Variants in MALRD1 observed in about 807,000 individuals in gnomAD.
MALRD1 encodes MAM and LDL receptor class A domain containing 1.
Under a neutral mutation model 242.1 loss-of-function variants are expected in MALRD1, and 247 were observed. That is an observed-to-expected ratio of 1.02 (90% confidence interval 0.92 to 1.13). MALRD1 has a LOEUF of 1.13. Ranked by LOEUF, MALRD1 falls within the 50% of genes most tolerant of loss-of-function variation. MALRD1 has a pLI of 0.00. For missense variants in MALRD1, 2,989 were observed against 2,533.1 expected (o/e 1.18, Z -3.86); for synonymous variants, 995 against 866.6 (o/e 1.15, Z -2.60).
chr10:19,224,402 T>A (rs1475487801), intron 18 of MALRD1, among the ~76,000 whole-genome samples: 1 of 151,904 alleles, frequency 6.6e-6, no homozygotes, highest in Non-Finnish European at 1.5e-5. Context: ...TTCTCCTGCC[T>A]TAGCCTCTTG....
intron 34 of MALRD1, among the ~76,000 whole-genome samples, chr10:19,606,833 A>G (rs545187862): frequency 3.2e-4 from 48 of 152,252 alleles, no homozygotes; most frequent in Middle Eastern, 3.4e-3. Context: ...AGAAGTTCCC[A>G]TTTAACTCTA....
At chr10:19,659,847 C>G (rs1376408212) in intron 36 of MALRD1, among the ~76,000 whole-genome samples, 1 of 152,108 alleles carries the variant, frequency 6.6e-6, no homozygotes, top group Non-Finnish European at 1.5e-5. Flanking sequence ...CCACACTCTA[C>G]TGAGGTAGAA....
chr10:19,155,955 A>G (rs142156023), intron 12 of MALRD1, among the ~76,000 whole-genome samples: 19 of 152,326 alleles, frequency 1.2e-4, no homozygotes, highest in African/African-American at 3.4e-4. Flanking sequence ...CCATAAAAGT[A>G]ACACCTAAAT....
chr10:19,549,578 T>C (rs969633182), intron 32 of MALRD1, among the ~76,000 whole-genome samples: 15 of 152,166 alleles, frequency 9.9e-5, no homozygotes, highest in African/African-American at 3.4e-4. Flanking sequence ...TAAGTTAAGG[T>C]ATATACATTG....
At chr10:19,228,946 C>A (rs569699461) in intron 18 of MALRD1, among the ~76,000 whole-genome samples, 3 of 150,630 alleles carry the variant, frequency 2.0e-5, no homozygotes, top group African/African-American at 7.3e-5. Flanking sequence ...TTTACTCAGC[C>A]CCCCCAAAAA....
chr10:19,432,012 G>T (rs1424626092), intron 28 of MALRD1, among the ~76,000 whole-genome samples: 3 of 151,700 alleles, frequency 2.0e-5, no homozygotes, highest in Admixed American at 1.3e-4. Context: ...TTCTCCTTCA[G>T]GAACCAAATA....
chr10:19,358,455 A>G (rs1182488776), intron 26 of MALRD1, among the ~76,000 whole-genome samples: 1 of 152,170 alleles, frequency 6.6e-6, no homozygotes, highest in African/African-American at 2.4e-5. Flanking sequence ...GTCCTGAAAT[A>G]GGAATATCTG....
chr10:19,699,805 G>C (rs975745694), intron 38 of MALRD1, among the ~76,000 whole-genome samples: 5 of 151,884 alleles, frequency 3.3e-5, no homozygotes, highest in African/African-American at 1.2e-4. Context: ...TAAACGACCA[G>C]ATCTGGTGAG....
At chr10:19,206,412 CT>C (rs1377674875) in intron 17 of MALRD1, among the ~76,000 whole-genome samples, 1 of 152,072 alleles carries the variant, frequency 6.6e-6, no homozygotes, top group African/African-American at 2.4e-5. Context: ...TGAAGTGTAA[CT>C]TTTCCTAAGG....
intron 18 of MALRD1, among the ~76,000 whole-genome samples, chr10:19,239,225 A>C (rs1838647824): frequency 6.6e-6 from 1 of 151,914 alleles, no homozygotes; most frequent in South Asian, 2.1e-4. Context: ...TGTTTGGCTA[A>C]ATTTTTGTAT....
intron 30 of MALRD1, among the ~76,000 whole-genome samples, chr10:19,496,881 G>T (rs757555171): frequency 2.8e-4 from 43 of 152,246 alleles, no homozygotes; most frequent in Middle Eastern, 6.8e-3. Context: ...TGAAGCTGTG[G>T]AAAGTCAATA....
At chr10:19,341,444 ATATATATGTGTATATATATGTATATATG>A (rs1268653462) in intron 24 of MALRD1, among the ~76,000 whole-genome samples, 52 of 129,996 alleles carry the variant, frequency 4.0e-4, no homozygotes, top group Admixed American at 2.1e-3. Flanking sequence ...ATATGTATAT[ATATATATGTGTATATATATGTATATATG>A]TATATATATG....
rs186926942 is a variant in MALRD1 at position 19,099,887 on chromosome 10, C to T, written c.598-4092C>T. ...AAGCGATTCTCCTGCCTCAGCCTCC[C>T]GAGGCTGGGATTACAGGTGTGTACC... On this transcript the variant is annotated intron_variant, in intron 4 of 39. Coordinates refer to ENST00000454679, the MANE Select transcript of MALRD1 (RefSeq NM_001142308.3). Among the ~76,000 whole-genome samples the T allele has an allele frequency of 1.9e-3, 285 of 151,604 alleles. 2 individuals carry two copies. The highest frequency in any genetic ancestry group is 3.2e-3 in the Non-Finnish European group (217 of 67,864).
chr10:19,237,897 A>C lies in MALRD1; in HGVS notation c.2992-19787A>C, dbSNP rs1265201412. On this transcript the variant is annotated intron_variant, in intron 18 of 39. Coordinates refer to ENST00000454679, the MANE Select transcript of MALRD1 (RefSeq NM_001142308.3). ...ATTTTATATAGTTATATACATTATA[A>C]ATAATTTTATATAGTTATATATAAT... Among the ~76,000 whole-genome samples the C allele has an allele frequency of 5.4e-4, 19 of 35,468 alleles. 2 individuals carry two copies. The highest frequency in any genetic ancestry group is 1.3e-3 in the Admixed American group (4 of 2,990). 23.3% of individuals were successfully genotyped at this position (35,468 alleles called of 152,430 possible).
chr10:19,426,415 A>T (rs189815528), intron 28 of MALRD1, among the ~76,000 whole-genome samples: 1 of 152,244 alleles, frequency 6.6e-6, no homozygotes, highest in Admixed American at 6.5e-5. Context: ...GAAAGCATGA[A>T]TTTTTTTCCC....
chr10:19,068,282 C>G (rs568071587), intron 2 of MALRD1, among the ~76,000 whole-genome samples: 10 of 152,154 alleles, frequency 6.6e-5, no homozygotes, highest in African/African-American at 2.2e-4. Flanking sequence ...ATTTTCTTCT[C>G]TCTCTCTTTC....
chr10:19,392,117 G>A (rs113809828), intron 28 of MALRD1, among the ~76,000 whole-genome samples: 1,788 of 152,214 alleles, frequency 0.012, 13 homozygotes, highest in Non-Finnish European at 0.02. Flanking sequence ...ATTATAGATC[G>A]CTACAACAAT....
At chr10:19,322,020 A>C (rs1303986271) in intron 21 of MALRD1, among the ~76,000 whole-genome samples, 1 of 152,182 alleles carries the variant, frequency 6.6e-6, no homozygotes, top group Non-Finnish European at 1.5e-5. Flanking sequence ...GGCATGGACA[A>C]TTCAAGCTAT....
chr10:19,204,268 A>G (rs1163858079), intron 15 of MALRD1, 40 bp from the exon 16 acceptor site: 1 of 1,215,722 alleles, frequency 8.2e-7, no homozygotes, highest in African/African-American at 1.7e-5. Flanking sequence ...AGAATCCAAT[A>G]GGTTAATGAA....
Sources: allele counts gnomAD v4.1 joint callset (sites outside exome capture counted in the v4.1 genomes callset), GRCh38; gene constraint gnomAD v4.1.1; transcripts MANE v1.5; gene names NCBI Gene and HGNC (gene_info 2026-07-23, HGNC 2026-07-21).